ARHGEF16: variants seen among roughly 807,000 people sequenced by gnomAD.
The protein encoded by ARHGEF16 is Rho guanine nucleotide exchange factor 16.
Under a neutral mutation model 74.1 loss-of-function variants are expected in ARHGEF16, and 59 were observed. The ratio of observed to expected loss-of-function variants is 0.80; its 90% confidence interval spans 0.65 to 0.99. The LOEUF (loss-of-function observed/expected upper bound fraction) is 0.99. Among genes scored for constraint, ARHGEF16 ranks in the 50% least tolerant of loss-of-function variants. ARHGEF16 has a pLI of 0.00. For synonymous variants in ARHGEF16, 415 were observed against 412.6 expected (o/e 1.01, Z -0.07); for missense variants, 948 against 986.6 (o/e 0.96, Z 0.52).
intron 10 of ARHGEF16, among the ~76,000 whole-genome samples, chr1:3,477,071 T>G (rs1272906646): frequency 6.7e-6 from 1 of 150,268 alleles, no homozygotes; most frequent in African/African-American, 2.5e-5. Flanking sequence ...GGTGTGGGGG[T>G]GGGGAGAACA....
intron 4 of ARHGEF16, 148 bp downstream of exon 4, chr1:3,467,485 C>T (rs1340534780): frequency 4.9e-6 from 5 of 1,011,706 alleles, no homozygotes; most frequent in Admixed American, 2.9e-5. Context: ...AGAAGCCCCT[C>T]GGCTGTGGGT....
chr1:3,478,645 C>T, intron 12 of ARHGEF16, 33 bp downstream of exon 12: 1 of 1,576,128 alleles, frequency 6.3e-7, no homozygotes, highest in Non-Finnish European at 8.6e-7. Context: ...TGTTCCCAGG[C>T]CACAGGCACA....
Position 3,480,442 on chromosome 1 carries a change from G to C in ARHGEF16, c.1991-6G>C. On this transcript the variant is annotated splice_region_variant and splice_polypyrimidine_tract_variant and intron_variant, in intron 14 of 14. Coordinates refer to ENST00000378378, the MANE Select transcript of ARHGEF16 (RefSeq NM_014448.4). ...TCACCTCCCTCCCACCCCTATCCGG[G>C]TTCAGGGTGGCTCTATGGCGAGAGG... The C allele has an allele frequency of 6.2e-7, 1 of 1,612,366 alleles. No homozygotes were observed. Among genetic ancestry groups the C allele is most frequent in the African/African-American group, 1.3e-5 (1 of 75,082 alleles).
chr1:3,468,557 C>A (rs1246356402), intron 4 of ARHGEF16: 3 of 391,334 alleles, frequency 7.7e-6, no homozygotes, highest in Non-Finnish European at 1.5e-5. Flanking sequence ...CGCACCTCTC[C>A]ATCTGCCGGG....
In ARHGEF16 at chr1:3,479,923, GGGGCGTT is replaced by G; in HGVS notation, c.1990+15_1990+21del. 1 of 1,611,712 alleles carries G rather than the reference GGGGCGTT, an allele frequency of 6.2e-7. No homozygotes were observed. The highest frequency in any genetic ancestry group is 8.5e-7 in the Non-Finnish European group (1 of 1,179,618). On this transcript the variant is annotated intron_variant, in intron 14 of 14. Coordinates refer to ENST00000378378, the MANE Select transcript of ARHGEF16 (RefSeq NM_014448.4). ...CTGCAGCAGGAGGATGGTGAGTGCA[GGGGCGTT>G]GGGCACAGATGGGTGGGAACGGACA...
chr1:3,474,744 T>A lies in ARHGEF16; in HGVS notation c.1342T>A (p.Tyr448Asn). 1.2e-6 allele frequency: 2 copies of A among 1,612,850 alleles called. No individual in the cohort carries two copies. The highest frequency in any genetic ancestry group is 1.7e-6 in the Non-Finnish European group (2 of 1,179,970). The change falls in exon 9 of 15, where the codon TAC becomes AAC. Residue 448 changes from tyrosine (Y) to asparagine (N), a missense_variant. Coordinates refer to ENST00000378378, the MANE Select transcript of ARHGEF16 (RefSeq NM_014448.4). Reference protein sequence around the residue: ...CLKTQGHSERYKAASRALKAI... With the variant: ...CLKTQGHSERNKAASRALKAI... ...CAAGACCCAGGGCCACTCCGAAAGG[T>A]ACAAGGCTGCCAGCCGTGCACTGAA...
chr1:3,478,508 C>CG lies in ARHGEF16; in HGVS notation c.1715dup (p.Gly573ArgfsTer4). 6.2e-7 allele frequency: 1 copy of CG among 1,612,612 alleles called. No individual in the cohort carries two copies. Among genetic ancestry groups the CG allele is most frequent in the Non-Finnish European group, 8.5e-7 (1 of 1,179,818 alleles). ...TAGAGCCGTCTGAGCTCCCTCTGCC[C>CG]GGGGGCGGCAACCGTAGCTCCTCCG... On this transcript the variant is annotated frameshift_variant, in exon 12 of 15. Transcript: ENST00000378378. LOFTEE classifies it high-confidence loss of function.
chr1:3,463,504 C>A lies in ARHGEF16; in HGVS notation c.420C>A (p.Asp140Glu). ...FSLDDMDVDK[D>E]PGGMLRRNLR... ...TGGATGACATGGACGTGGACAAGGACCCCGGGGGCATGCTGAGGCGGAACC... is the reference window on the plus strand; with the variant it reads ...TGGATGACATGGACGTGGACAAGGAACCCGGGGGCATGCTGAGGCGGAACC... Residue 140 changes from aspartate (D) to glutamate (E), a missense_variant, in exon 2 of 15, where the codon GAC becomes GAA. Coordinates refer to ENST00000378378, the MANE Select transcript of ARHGEF16 (RefSeq NM_014448.4). The A allele has an allele frequency of 6.7e-7, 1 of 1,495,276 alleles. No homozygotes were observed. The highest frequency in any genetic ancestry group is 8.9e-7 in the Non-Finnish European group (1 of 1,119,434). The allele number at this position is 1,495,276 out of a possible 1,614,324, so 92.6% of individuals were successfully genotyped here. A position where few individuals can be genotyped will look rare whatever the true frequency, so the allele number is the denominator to read the frequency against.
chr1:3,479,647 C>A, intron 13 of ARHGEF16, 57 bp downstream of exon 13: 1 of 1,589,248 alleles, frequency 6.3e-7, no homozygotes, highest in Non-Finnish European at 8.6e-7. Context: ...GCACTTTGGC[C>A]CCCACTGTAG....
rs755077359 is a variant in ARHGEF16, at chr1:3,480,620, TGTCTCCA to T, written c.*34_*40del. The T allele has an allele frequency of 7.5e-6, 12 of 1,596,290 alleles. No homozygotes were observed. On this transcript the variant is annotated 3_prime_UTR_variant, in exon 15 of 15. Coordinates refer to ENST00000378378, the MANE Select transcript of ARHGEF16 (RefSeq NM_014448.4). ...GAGGCCAGCCGGCGGCAGCACAGCC[TGTCTCCA>T]ATCAGCAAGTGGTCGTGCCTGGCTC...
rs1192770860 is a variant in ARHGEF16, at chr1:3,478,790, A to T, written c.1814+178A>T. Among the ~76,000 whole-genome samples, 3 of 151,782 alleles carry T rather than the reference A, an allele frequency of 2.0e-5. No individual in the cohort carries two copies. In the East Asian group the frequency reaches 5.8e-4, roughly 29 times the overall value. ...AAACAACAGAAATGGCCTTGTCCTC[A>T]TGGAGTTTATGTTCCCGGGAGGGGA... is the stretch of plus-strand genomic sequence containing the variant. On this transcript the variant is annotated intron_variant, in intron 12 of 14. Coordinates refer to ENST00000378378, the MANE Select transcript of ARHGEF16 (RefSeq NM_014448.4).
chr1:3,459,934 G>GTGGAAA (rs1557685728), intron 1 of ARHGEF16, among the ~76,000 whole-genome samples: 1 of 152,208 alleles, frequency 6.6e-6, no homozygotes, highest in Non-Finnish European at 1.5e-5. Flanking sequence ...AAAAGCTGAG[G>GTGGAAA]AGCCCAGAGC....
At position 3,480,432 on chromosome 1, in the gene ARHGEF16, C is replaced by T. The variant is rs781296603; in HGVS notation, c.1991-16C>T. The T allele has an allele frequency of 1.2e-6, 2 of 1,611,988 alleles. No individual in the cohort carries two copies. Among genetic ancestry groups the T allele is most frequent in the Non-Finnish European group, 8.5e-7 (1 of 1,179,788 alleles). ...GGCCTTCCCCTCACCTCCCTCCCAC[C>T]CCTATCCGGGTTCAGGGTGGCTCTA... On this transcript the variant is annotated splice_polypyrimidine_tract_variant and intron_variant, in intron 14 of 14. Transcript: ENST00000378378.
At position 3,479,544 on chromosome 1, in the gene ARHGEF16, G is replaced by A. The variant is rs372769376; in HGVS notation, c.1842G>A (p.Ala614=). 38 of 1,612,488 alleles carry A rather than the reference G, an allele frequency of 2.4e-5. No individual in the cohort carries two copies. The highest frequency in any genetic ancestry group is 1.3e-4 in the African/African-American group (10 of 74,914). ...GTGACCGGGCACGGTGGATCGTGGC[G>A]CTCACACACAGTGAGAGACAGTGGC... The part of the protein sequence containing the change: ...SASDRARWIV[A]LTHSERQWQG... Residue 614 remains alanine, a synonymous_variant, in exon 13 of 15, where the codon GCG becomes GCA. Transcript: ENST00000378378.
intron 1 of ARHGEF16, among the ~76,000 whole-genome samples, chr1:3,456,264 CGTGCCAGG>C (rs899810279): frequency 3.9e-5 from 6 of 152,240 alleles, no homozygotes; most frequent in African/African-American, 1.4e-4. Context: ...TGAGAAGCGG[CGTGCCAGG>C]GTCCCCACAG....
In ARHGEF16 at chr1:3,478,046, G is replaced by A. The variant is rs572892858; in HGVS notation, c.1625+20G>A. On this transcript the variant is annotated intron_variant, in intron 11 of 14. Transcript: ENST00000378378. ...GAAGAGGTGGCCTTAGGGCAGGAGGGTGTGGGGAGCCCCACTCCATGGACA... is the reference window on the plus strand; with the variant it reads ...GAAGAGGTGGCCTTAGGGCAGGAGGATGTGGGGAGCCCCACTCCATGGACA... The A allele has an allele frequency of 2.5e-6, 4 of 1,612,606 alleles. No individual in the cohort carries two copies. Among genetic ancestry groups the A allele is most frequent in the East Asian group, 4.5e-5 (2 of 44,866 alleles).
chr1:3,480,532 C>T lies in ARHGEF16; in HGVS notation c.2075C>T (p.Ala692Val). Residue 692 changes from alanine (A) to valine (V), a missense_variant, in exon 15 of 15, where the codon GCC becomes GTC. By Grantham distance (64) the Ala-to-Val change is moderately conservative. Coordinates refer to ENST00000378378, the MANE Select transcript of ARHGEF16 (RefSeq NM_014448.4). ...DFARFITSRV[A>V]VEGNVRRMER... ...GCCCGCTTCATCACCAGCCGTGTGG[C>T]CGTGGAGGGCAATGTCCGCAGGATG... The T allele has an allele frequency of 6.2e-7, 1 of 1,611,908 alleles. No individual in the cohort carries two copies. The highest frequency in any genetic ancestry group is 8.5e-7 in the Non-Finnish European group (1 of 1,179,938).
At chr1:3,472,771 T>A in intron 6 of ARHGEF16, 1 of 318,538 alleles carries the variant, frequency 3.1e-6, no homozygotes, top group Non-Finnish European at 5.8e-6. Context: ...TGGGCCCGCC[T>A]TTGGGGACAG....
chr1:3,468,441 C>T (rs1218392734), intron 4 of ARHGEF16: 15 of 193,994 alleles, frequency 7.7e-5, no homozygotes, highest in African/African-American at 1.4e-4. Context: ...GGAGCCCGGG[C>T]GGAAACAGCG....
Sources: allele counts gnomAD v4.1 joint callset (sites outside exome capture counted in the v4.1 genomes callset), GRCh38; gene constraint gnomAD v4.1.1; transcripts MANE v1.5; gene names NCBI Gene and HGNC (gene_info 2026-07-23, HGNC 2026-07-21).